INTS8: variants seen among roughly 807,000 people sequenced by gnomAD.
INTS8 encodes the protein protein kaonashi-1.
In INTS8, 47 loss-of-function variants were observed where a neutral mutation model predicts 138.9. The observed-to-expected ratio is 0.34, with a 90% CI of 0.27 to 0.43. INTS8 has a LOEUF of 0.43. Among genes scored for constraint, INTS8 ranks in the 20% least tolerant of loss-of-function variants. INTS8 has a pLI of 1.00. For synonymous variants in INTS8, 392 were observed against 400.9 expected, an observed-to-expected ratio of 0.98 and a Z score of 0.27; for missense variants, 996 against 1,173.0, an observed-to-expected ratio of 0.85 and a Z score of 2.20.
At chr8:94,871,557 G>A (rs1816399400) in intron 20 of INTS8, among the ~76,000 whole-genome samples, 1 of 152,084 alleles carries the variant, frequency 6.6e-6, no homozygotes, top group Non-Finnish European at 1.5e-5. Context: ...CTAAGCAGAG[G>A]TAAGGGTTTT....
chr8:94,845,652 AG>A (rs1483523868), intron 10 of INTS8, among the ~76,000 whole-genome samples: 2 of 152,054 alleles, frequency 1.3e-5, no homozygotes, highest in Non-Finnish European at 2.9e-5. Flanking sequence ...TAGTAGAGAC[AG>A]GGTTTCACGA....
intron 20 of INTS8, among the ~76,000 whole-genome samples, chr8:94,869,654 AG>A (rs1379589329): frequency 6.6e-6 from 1 of 151,728 alleles, no homozygotes; most frequent in African/African-American, 2.4e-5. Context: ...CACCAAACAC[AG>A]CTAATTTTTG....
Position 94,876,485 on chromosome 8 carries a change from T to C in INTS8, c.2867T>C (p.Ile956Thr), listed in dbSNP as rs1406911300. ...HKRGETDKRQ[I>T]AIKAIGQTEL... ...AGAGGAGAAACAGATAAAAGACAAA[T>C]TGCAGTAAGTTACCTTATGCCTTTC... The change falls in exon 26 of 27, where the codon ATT (isoleucine) becomes ACT (threonine). Residue 956 changes from isoleucine to threonine, a missense_variant. By Grantham distance (89) the Ile-to-Thr change is moderately conservative (BLOSUM62 -1). Transcript: ENST00000523731. 6.5e-7 allele frequency: 1 copy of C among 1,549,332 alleles called. No homozygotes were observed. The highest frequency in any genetic ancestry group is 8.9e-7 in the Non-Finnish European group (1 of 1,128,704).
intron 12 of INTS8, among the ~76,000 whole-genome samples, chr8:94,850,503 T>G (rs1390918086): frequency 7.2e-5 from 11 of 151,754 alleles, no homozygotes; most frequent in Admixed American, 7.2e-4. Flanking sequence ...TCCCAGCTAC[T>G]CTGGAGGCTG....
intron 6 of INTS8, among the ~76,000 whole-genome samples, chr8:94,835,674 A>G (rs558293554): frequency 8.6e-5 from 13 of 151,600 alleles, no homozygotes; most frequent in African/African-American, 3.1e-4. Flanking sequence ...ATCTTGGCTC[A>G]CTGCAACCTC....
chr8:94,838,429 G>C (rs750671375), intron 7 of INTS8, 34 bp from the exon 8 acceptor site: 2 of 1,537,994 alleles, frequency 1.3e-6, no homozygotes, highest in Non-Finnish European at 1.8e-6. Context: ...TATATTACAT[G>C]AATGGATAAT....
intron 5 of INTS8, 94 bp downstream of exon 5, chr8:94,829,120 A>T (rs1586466346): frequency 1.1e-6 from 1 of 904,754 alleles, no homozygotes; most frequent in African/African-American, 1.7e-5. Flanking sequence ...GGTTTTGTGG[A>T]AGGCAATTTC....
chr8:94,851,118 G>A (rs1421807093), intron 12 of INTS8, among the ~76,000 whole-genome samples: 1 of 152,144 alleles, frequency 6.6e-6, no homozygotes, highest in Non-Finnish European at 1.5e-5. Flanking sequence ...GGTTCTCTGG[G>A]AAGAGCATGC....
Position 94,842,416 on chromosome 8 carries a change from C to T in INTS8, c.1188C>T (p.Gly396=). 1 of 1,601,716 alleles carries T rather than the reference C, an allele frequency of 6.2e-7. No individual in the cohort carries two copies. Among genetic ancestry groups the T allele is most frequent in the Non-Finnish European group, 8.6e-7 (1 of 1,169,060 alleles). ...ATACAGTCCGTGATATACTGGAAGG[C>T]AGAACAATTAGTGTTCAATTTAACC... is the stretch of plus-strand genomic sequence containing the variant. ...ACNTVRDILE[G]RTISVQFNQL... is the part of the protein sequence containing the mutation. The change falls in exon 10 of 27, where the codon GGC becomes GGT. Residue 396 remains glycine, a synonymous_variant. Transcript: ENST00000523731.
Position 94,881,053 on chromosome 8 carries a change from A to C in INTS8, c.*819A>C. Reference sequence around the variant, plus strand: ...CAAGGCAAATAAACTAGTTTAAAAAACATTAAATTTCACCATTTGTAGAAA... The same window carrying C: ...CAAGGCAAATAAACTAGTTTAAAAACCATTAAATTTCACCATTTGTAGAAA... On this transcript the variant is annotated 3_prime_UTR_variant, in exon 27 of 27. Transcript: ENST00000523731. The C allele has an allele frequency of 5.0e-6, 2 of 398,364 alleles. No homozygotes were observed. The highest frequency in any genetic ancestry group is 8.9e-6 in the Non-Finnish European group (2 of 225,678). 24.7% of individuals were successfully genotyped at this position (398,364 alleles called of 1,614,324 possible). A position where few individuals can be genotyped will look rare whatever the true frequency, so the allele number is the denominator to read the frequency against.
At chr8:94,855,557 T>C (rs1815715377) in intron 14 of INTS8, among the ~76,000 whole-genome samples, 1 of 152,210 alleles carries the variant, frequency 6.6e-6, no homozygotes, top group Non-Finnish European at 1.5e-5. Context: ...ACATAACATT[T>C]ACTGGGCACA....
chr8:94,851,468 T>A lies in INTS8; in HGVS notation c.1508-85T>A, dbSNP rs907811899. Reference sequence around the variant, plus strand: ...GATAGCAGCTTTTAATTTATAGATATAATACAAAATACATAATTTTAAGTA... The same window carrying A: ...GATAGCAGCTTTTAATTTATAGATAAAATACAAAATACATAATTTTAAGTA... On this transcript the variant is annotated intron_variant, in intron 12 of 26. Coordinates refer to ENST00000523731, the MANE Select transcript of INTS8 (RefSeq NM_017864.4). 3 of 902,602 alleles carry A rather than the reference T, an allele frequency of 3.3e-6. No individual in the cohort carries two copies. The African/African-American group carries it at 5.3e-5, about 16-fold the overall frequency. 55.9% of individuals were successfully genotyped at this position (902,602 alleles called of 1,614,324 possible). A position where few individuals can be genotyped will look rare whatever the true frequency, so the allele number is the denominator to read the frequency against.
chr8:94,830,655 A>C (rs968495794), intron 5 of INTS8, among the ~76,000 whole-genome samples: 1 of 151,966 alleles, frequency 6.6e-6, no homozygotes, highest in Non-Finnish European at 1.5e-5. Flanking sequence ...GTGCCACCAC[A>C]CTAGACTAAT....
At chr8:94,865,785 C>G (rs772114151) in intron 17 of INTS8, 95 bp downstream of exon 17, 24 of 1,129,504 alleles carry the variant, frequency 2.1e-5, no homozygotes, top group Non-Finnish European at 2.7e-5. Flanking sequence ...TCAAGAACAT[C>G]AGCTTTTATT....
At chr8:94,867,218 T>A in intron 19 of INTS8, 22 bp downstream of exon 19, 2 of 1,601,088 alleles carry the variant, frequency 1.2e-6, no homozygotes, top group Non-Finnish European at 1.7e-6. Flanking sequence ...ATAATTTCAT[T>A]TAGAAAAATT....
intron 26 of INTS8, 100 bp from the exon 27 acceptor site, chr8:94,880,018 A>G (rs1211815269): frequency 1.3e-6 from 1 of 764,264 alleles, no homozygotes; most frequent in Non-Finnish European, 2.2e-6. Flanking sequence ...TAATCATTAA[A>G]CTGTATCGTT....
Position 94,825,149 on chromosome 8 carries a change from G to A in INTS8, c.305+82G>A, listed in dbSNP as rs1814443609. ...TTTCTATATATGCTTTTATGATATC[G>A]GCTCTTAAAAATTACGTGCTGGGCG... On this transcript the variant is annotated intron_variant, in intron 2 of 26. Transcript: ENST00000523731. 5.9e-6 allele frequency: 6 copies of A among 1,024,674 alleles called. No individual in the cohort carries two copies. In the South Asian group the frequency reaches 6.0e-5, roughly 10 times the overall value. The allele number at this position is 1,024,674 out of a possible 1,614,324, so 63.5% of individuals were successfully genotyped here. A position where few individuals can be genotyped will look rare whatever the true frequency, so the allele number is the denominator to read the frequency against.
rs767275352 is a variant in INTS8, at chr8:94,881,665, C to A, written c.*1431C>A. On this transcript the variant is annotated 3_prime_UTR_variant, in exon 27 of 27. Coordinates refer to ENST00000523731, the MANE Select transcript of INTS8 (RefSeq NM_017864.4). ...TTCCTGGTGGTTTTTCAGTGCTCTT[C>A]GGTGGTGTCATAATGCCTCCATTGC... 6.2e-7 allele frequency: 1 copy of A among 1,613,582 alleles called. No homozygotes were observed. Among genetic ancestry groups the A allele is most frequent in the South Asian group, 1.1e-5 (1 of 91,052 alleles).
chr8:94,872,521 C>T (rs1203797542), intron 21 of INTS8, among the ~76,000 whole-genome samples: 1 of 152,114 alleles, frequency 6.6e-6, no homozygotes, highest in Non-Finnish European at 1.5e-5. Context: ...GGCGTGAGCC[C>T]CTGCGCCCAG....
Sources: gnomAD v4.1 joint callset for allele counts (sites outside exome capture counted in the v4.1 genomes callset) on GRCh38, gnomAD v4.1.1 for gene constraint, MANE v1.5 for transcripts, NCBI Gene and HGNC (gene_info 2026-07-23, HGNC 2026-07-21) for gene names.